Variants in FRY observed in about 807,000 individuals in gnomAD.
FRY encodes protein furry homolog.
In FRY, 128 loss-of-function variants were observed where a neutral mutation model predicts 348.4. The observed-to-expected ratio is 0.37, with a 90% CI of 0.32 to 0.43. The LOEUF (loss-of-function observed/expected upper bound fraction) is 0.43. FRY is among the 20% of genes least tolerant of loss of function. The pLI, the probability that FRY is intolerant of heterozygous loss-of-function variation, is 1.00. For synonymous variants in FRY, 1,370 were observed against 1,374.7 expected (o/e 1.00, Z 0.08); for missense variants, 2,736 against 3,695.2 (o/e 0.74, Z 6.73).
intron 14 of FRY, among the ~76,000 whole-genome samples, chr13:32,152,328 G>T (rs1014596944): frequency 6.6e-6 from 1 of 152,122 alleles, no homozygotes; most frequent in Non-Finnish European, 1.5e-5. Context: ...TTTTGTAAAA[G>T]AAGAATAAAA....
intron 55 of FRY, among the ~76,000 whole-genome samples, chr13:32,273,584 G>A (rs140626889): frequency 7.9e-5 from 12 of 152,284 alleles, no homozygotes; most frequent in Non-Finnish European, 1.6e-4. Context: ...TGTACATTAA[G>A]CTCTAAGACA....
intron 2 of FRY, among the ~76,000 whole-genome samples, chr13:32,095,852 C>T (rs1876670730): frequency 6.6e-6 from 1 of 152,142 alleles, no homozygotes; most frequent in Non-Finnish European, 1.5e-5. Flanking sequence ...GGATCTTTCC[C>T]TTGTATTCAG....
At position 32,231,356 on chromosome 13, in the gene FRY, T is replaced by C. The variant is rs1210413931; in HGVS notation, c.5527+56T>C. Reference sequence around the variant, plus strand: ...TTCAGCATTGTTCTGTAATGGACACTGTCTCTATATGATGATTACAGCGCC... The same window carrying C: ...TTCAGCATTGTTCTGTAATGGACACCGTCTCTATATGATGATTACAGCGCC... On this transcript the variant is annotated intron_variant, in intron 41 of 60. Transcript: ENST00000542859. The C allele has an allele frequency of 2.6e-6, 4 of 1,559,132 alleles. No individual in the cohort carries two copies. In the African/African-American group the frequency reaches 4.1e-5, roughly 16 times the overall value.
intron 36 of FRY, among the ~76,000 whole-genome samples, 167 bp downstream of exon 36, chr13:32,218,998 T>TAA (rs150901093): frequency 2.7e-4 from 38 of 141,134 alleles, no homozygotes; most frequent in African/African-American, 8.3e-4. Flanking sequence ...CCTCAAAAGT[T>TAA]AAAAAAAAAA....
intron 29 of FRY, among the ~76,000 whole-genome samples, chr13:32,195,628 C>G (rs541844432): frequency 2.0e-3 from 297 of 152,272 alleles, no homozygotes; most frequent in Non-Finnish European, 3.5e-3. Flanking sequence ...CTGCATTTCT[C>G]TGAATAAATC....
intron 1 of FRY, among the ~76,000 whole-genome samples, chr13:32,060,590 A>G (rs1873883608): frequency 6.6e-6 from 1 of 152,190 alleles, no homozygotes; most frequent in African/African-American, 2.4e-5. Context: ...TCCCAGAGCA[A>G]CAGTTTATCA....
rs116121141 is a variant in FRY at position 32,155,568 on chromosome 13, G to A, written c.1557G>A (p.Pro519=). ...AGAAAGATGGGGAACCTCCCATGCCGGTTACAGGAGCCGTTCTTCCTTCAG... is the reference window on the plus strand; with the variant it reads ...AGAAAGATGGGGAACCTCCCATGCCAGTTACAGGAGCCGTTCTTCCTTCAG... ...LQQKDGEPPM[P]VTGAVLPSGN... Residue 519 remains proline, a synonymous_variant, in exon 15 of 61, where the codon CCG becomes CCA. Coordinates refer to ENST00000542859, the MANE Select transcript of FRY (RefSeq NM_023037.3). The A allele has an allele frequency of 1.2e-3, 1,988 of 1,612,496 alleles. 13 individuals are homozygous for A. In the African/African-American group the frequency reaches 0.02, roughly 16 times the overall value.
chr13:32,157,991 G>A (rs1881212869), intron 16 of FRY, among the ~76,000 whole-genome samples: 1 of 152,094 alleles, frequency 6.6e-6, no homozygotes, highest in Non-Finnish European at 1.5e-5. Flanking sequence ...CTGTGTTGTT[G>A]GGCTATGAAT....
intron 11 of FRY, among the ~76,000 whole-genome samples, 166 bp downstream of exon 11, chr13:32,137,138 A>G (rs1344678850): frequency 6.6e-6 from 1 of 152,228 alleles, no homozygotes; most frequent in Non-Finnish European, 1.5e-5. Flanking sequence ...AATATAGTCA[A>G]TTTTAGAAAG....
At chr13:32,272,571 T>C (rs554523520) in intron 55 of FRY, among the ~76,000 whole-genome samples, 10 of 152,290 alleles carry the variant, frequency 6.6e-5, no homozygotes, top group African/African-American at 2.4e-4. Context: ...GGTGGGCAGA[T>C]TGCTTGAGCC....
rs1294652871 is a variant in FRY at position 32,287,898 on chromosome 13, C to T, written c.8470-1735C>T. On this transcript the variant is annotated intron_variant, in intron 58 of 60. Coordinates refer to ENST00000542859, the MANE Select transcript of FRY (RefSeq NM_023037.3). The stretch of plus-strand genomic sequence containing the variant: ...GAATCTCTTGCAGTAAGTTAACTTT[C>T]TTTCATACTCTTTGTCCATTTAGGC... The T allele has an allele frequency of 2.3e-6, 3 of 1,318,958 alleles. No homozygotes were observed. In the Admixed American group the frequency reaches 5.9e-5, roughly 26 times the overall value. The allele number at this position is 1,318,958 out of a possible 1,614,324, so 81.7% of individuals were successfully genotyped here. A position where few individuals can be genotyped will look rare whatever the true frequency, so the allele number is the denominator to read the frequency against.
chr13:32,203,559 CA>C (rs1884170800), intron 31 of FRY, among the ~76,000 whole-genome samples: 1 of 152,020 alleles, frequency 6.6e-6, no homozygotes, highest in Non-Finnish European at 1.5e-5. Context: ...CCCATCTCTA[CA>C]AAAAAGACAA....
At chr13:32,073,381 A>G (rs568855350) in intron 1 of FRY, among the ~76,000 whole-genome samples, 5 of 152,332 alleles carry the variant, frequency 3.3e-5, no homozygotes, top group African/African-American at 1.2e-4. Context: ...GAATACACAC[A>G]GTGTTCATTC....
rs1886390438 is a variant in FRY at position 32,239,486 on chromosome 13, A to T, written c.6516+137A>T. 2.7e-6 allele frequency: 2 copies of T among 733,250 alleles called. No homozygotes were observed. The highest frequency in any genetic ancestry group is 1.7e-5 in the African/African-American group (1 of 57,518). 45.4% of individuals were successfully genotyped at this position (733,250 alleles called of 1,614,324 possible). ...ATAATAACTAATATCACAGTAATGG[A>T]AATATAGGGGTGGCTGATGCAAATT... On this transcript the variant is annotated intron_variant, in intron 45 of 60. Transcript: ENST00000542859. This position sits in a 1 kb window ranked among gnomAD's most constrained non-coding sequence, Gnocchi z 4.3.
chr13:32,153,345 A>T (rs929021976), intron 14 of FRY, among the ~76,000 whole-genome samples: 6 of 152,196 alleles, frequency 3.9e-5, no homozygotes, highest in Non-Finnish European at 8.8e-5. Flanking sequence ...CATCAATACA[A>T]TGGGTACTAT....
chr13:32,240,012 T>C, intron 46 of FRY, 131 bp downstream of exon 46: 1 of 702,062 alleles, frequency 1.4e-6, no homozygotes, highest in Non-Finnish European at 2.4e-6. Flanking sequence ...TGGGCCACCA[T>C]TCCCTGCCAG....
At chr13:32,285,631 G>A (rs1889006396) in intron 58 of FRY, among the ~76,000 whole-genome samples, 1 of 152,170 alleles carries the variant, frequency 6.6e-6, no homozygotes, top group South Asian at 2.1e-4. Flanking sequence ...CCTCGTTTTG[G>A]AAAGCAATAA....
intron 51 of FRY, 109 bp from the exon 52 acceptor site, chr13:32,261,507 A>C (rs1234026667): frequency 2.1e-6 from 2 of 960,344 alleles, no homozygotes; most frequent in Non-Finnish European, 3.4e-6. Flanking sequence ...TGAGGGCCTA[A>C]GAGTTAATAA....
chr13:32,295,114 G>GT, intron 60 of FRY, 88 bp from the exon 61 acceptor site: 1 of 1,198,258 alleles, frequency 8.3e-7, no homozygotes, highest in Non-Finnish European at 1.2e-6. Flanking sequence ...TTTTTAAAAA[G>GT]TAATACTCTT....
Sources: allele counts gnomAD v4.1 joint callset (sites outside exome capture counted in the v4.1 genomes callset), GRCh38; gene constraint gnomAD v4.1.1; non-coding constraint Gnocchi (gnomAD v3.1); transcripts MANE v1.5; gene names NCBI Gene and HGNC (gene_info 2026-07-23, HGNC 2026-07-21).